UGGT1: variants seen among roughly 807,000 people sequenced by gnomAD.
UGGT1 encodes the protein UDP-glucose glycoprotein glucosyltransferase 1.
UGGT1 carries 107 observed loss-of-function variants against 203.9 expected under a neutral mutation model. The ratio of observed to expected loss-of-function variants is 0.52; its 90% CI spans 0.45 to 0.62. UGGT1 has a LOEUF of 0.62. UGGT1 is among the 20% of genes least tolerant of loss of function. The probability of loss-of-function intolerance (pLI) is 0.00; values close to 1 mark genes in which losing one functional copy is unlikely to be tolerated. For missense variants in UGGT1, 1,673 were observed against 1,867.2 expected, an observed-to-expected ratio of 0.90 and a Z score of 1.92; for synonymous variants, 628 against 653.5, an observed-to-expected ratio of 0.96 and a Z score of 0.59.
At position 128,192,917 on chromosome 2, in the gene UGGT1, A is replaced by C. The variant is rs909245748; in HGVS notation, c.*3175A>C. 1.3e-5 allele frequency: 2 copies of C among 151,884 alleles called. No individual in the cohort carries two copies. Among genetic ancestry groups the C allele is most frequent in the East Asian group, 2.0e-4 (1 of 5,066 alleles). 9.4% of individuals were successfully genotyped at this position (151,884 alleles called of 1,614,324 possible). A position where few individuals can be genotyped will look rare whatever the true frequency, so the allele number is the denominator to read the frequency against. ...TTTCCGGTCAGGCACAGTGGCTTACACCTGTAATCCCAGCACTTTGGGAAG... is the reference window on the plus strand; with the variant it reads ...TTTCCGGTCAGGCACAGTGGCTTACCCCTGTAATCCCAGCACTTTGGGAAG... On this transcript the variant is annotated 3_prime_UTR_variant, in exon 41 of 41. Transcript: ENST00000259253.
At chr2:128,100,580 A>ATTTTTTTT (rs1264351444) in intron 2 of UGGT1, among the ~76,000 whole-genome samples, 2 of 88,338 alleles carry the variant, frequency 2.3e-5, no homozygotes, top group African/African-American at 4.1e-5. Flanking sequence ...CTAATTTTGT[A>ATTTTTTTT]TTTTTTTTTT....
chr2:128,120,534 T>A, intron 9 of UGGT1, 78 bp downstream of exon 9: 1 of 1,096,130 alleles, frequency 9.1e-7, no homozygotes, highest in Non-Finnish European at 1.4e-6. Context: ...AATTTGAATT[T>A]AATTGTATGT....
Position 128,155,485 on chromosome 2 carries a change from C to G in UGGT1, c.2138-4C>G, listed in dbSNP as rs745726088. The G allele has an allele frequency of 1.7e-5, 27 of 1,607,376 alleles. No homozygotes were observed. The highest frequency in any genetic ancestry group is 1.4e-4 in the Admixed American group (8 of 59,224). On this transcript the variant is annotated splice_polypyrimidine_tract_variant and splice_region_variant and intron_variant, in intron 19 of 40. Coordinates refer to ENST00000259253, the MANE Select transcript of UGGT1 (RefSeq NM_020120.4). ...ATATATACGTATTTCATTTTTTCTCCCAGATAACTTCTTTGTGGATGATTA... is the reference window on the plus strand; with the variant it reads ...ATATATACGTATTTCATTTTTTCTCGCAGATAACTTCTTTGTGGATGATTA...
intron 11 of UGGT1, among the ~76,000 whole-genome samples, chr2:128,125,388 T>G (rs1375641718): frequency 6.6e-6 from 1 of 152,186 alleles, no homozygotes; most frequent in African/African-American, 2.4e-5. Context: ...TAATCACCCC[T>G]TGTACATGTC....
chr2:128,142,212 AGGTGT>A (rs1372429958), intron 16 of UGGT1, among the ~76,000 whole-genome samples: 6 of 151,684 alleles, frequency 4.0e-5, no homozygotes, highest in Admixed American at 1.3e-4. Flanking sequence ...CTGGGATTAC[AGGTGT>A]GAGCCACCAT....
rs1316920465 is a variant in UGGT1, at chr2:128,195,367, T to A, written c.*5625T>A. On this transcript the variant is annotated 3_prime_UTR_variant, in exon 41 of 41. Transcript: ENST00000259253. ...TTAACTTAAGGTTGACAACAAAAGA[T>A]TATCAAGTACCATGTTTTCCAACCA... 1 of 152,222 alleles carries A rather than the reference T, an allele frequency of 6.6e-6. No individual in the cohort carries two copies. The highest frequency in any genetic ancestry group is 2.4e-5 in the African/African-American group (1 of 41,456). The allele number at this position is 152,222 out of a possible 1,614,324, so 9.4% of individuals were successfully genotyped here.
At chr2:128,122,464 G>T (rs530369760) in intron 10 of UGGT1, among the ~76,000 whole-genome samples, 1 of 151,958 alleles carries the variant, frequency 6.6e-6, no homozygotes, top group Non-Finnish European at 1.5e-5. Context: ...AACCCGGGAG[G>T]TGAAGGTTAC....
chr2:128,132,795 C>T (rs112528502), intron 13 of UGGT1, among the ~76,000 whole-genome samples: 5,721 of 152,126 alleles, frequency 0.038, 390 homozygotes, highest in African/African-American at 0.13. Flanking sequence ...ATTGCAGCCT[C>T]GAACCCCTTG....
intron 3 of UGGT1, among the ~76,000 whole-genome samples, 158 bp downstream of exon 3, chr2:128,104,172 C>G (rs1424775617): frequency 6.6e-6 from 1 of 152,192 alleles, no homozygotes. Flanking sequence ...CAACACAACA[C>G]AAATTATTAT....
intron 2 of UGGT1, among the ~76,000 whole-genome samples, chr2:128,099,279 G>A (rs974335413): frequency 6.6e-6 from 1 of 152,080 alleles, no homozygotes; most frequent in African/African-American, 2.4e-5. Context: ...TAGTAGCTGG[G>A]ACTACAGGTG....
At chr2:128,138,641 G>T in intron 15 of UGGT1, 76 bp from the exon 16 acceptor site, 3 of 1,513,338 alleles carry the variant, frequency 2.0e-6, no homozygotes, top group South Asian at 1.3e-5. Flanking sequence ...GTATGAGAAG[G>T]GTACAAGGAT....
At chr2:128,160,393 GTGTTTATT>G (rs2104741934) in intron 23 of UGGT1, 59 bp from the exon 24 acceptor site, 3 of 1,474,564 alleles carry the variant, frequency 2.0e-6, no homozygotes, top group Non-Finnish European at 2.7e-6. Flanking sequence ...TTTATTCACT[GTGTTTATT>G]TGTTTATATG....
intron 6 of UGGT1, among the ~76,000 whole-genome samples, chr2:128,114,717 T>A (rs1365212191): frequency 6.6e-6 from 1 of 152,226 alleles, no homozygotes; most frequent in Non-Finnish European, 1.5e-5. Flanking sequence ...CTCCATTTCT[T>A]ATGGTTGGGA....
rs1012954866 is a variant in UGGT1 at position 128,114,290 on chromosome 2, G to C, written c.697-834G>C. 2.0e-5 allele frequency among the ~76,000 whole-genome samples: 3 copies of C among 151,736 alleles called. No individual in the cohort carries two copies. In the East Asian group the frequency reaches 5.8e-4, roughly 29 times the overall value. ...TCACCATCATGCCGGCTAATTTTTT[G>C]TATTTTTAGTAGAGAGGGGGTTTCA... On this transcript the variant is annotated intron_variant, in intron 6 of 40. Coordinates refer to ENST00000259253, the MANE Select transcript of UGGT1 (RefSeq NM_020120.4).
In UGGT1 at chr2:128,155,592, T is replaced by C. The variant is rs1690189701; in HGVS notation, c.2236+5T>C. The C allele has an allele frequency of 6.2e-7, 1 of 1,606,888 alleles. No homozygotes were observed. The highest frequency in any genetic ancestry group is 1.3e-5 in the African/African-American group (1 of 74,722). ...TGAACTATCTGACAAAGAAAGGTAA[T>C]CCATTTGAGGCTTATTATCTTGCAT... On this transcript the variant is annotated splice_donor_5th_base_variant and intron_variant, in intron 20 of 40. Transcript: ENST00000259253.
intron 17 of UGGT1, 86 bp downstream of exon 17, chr2:128,143,311 G>C: frequency 7.1e-7 from 1 of 1,408,600 alleles, no homozygotes; most frequent in Non-Finnish European, 9.5e-7. Context: ...TAATAATGGC[G>C]ATGGTGGTTA....
intron 34 of UGGT1, 149 bp downstream of exon 34, chr2:128,178,718 T>A (rs1691527581): frequency 1.4e-6 from 1 of 710,696 alleles, no homozygotes; most frequent in Non-Finnish European, 2.3e-6. Context: ...CATTTATCAT[T>A]GGATTTGTTT....
intron 11 of UGGT1, among the ~76,000 whole-genome samples, chr2:128,126,221 C>T (rs1688593130): frequency 6.6e-6 from 1 of 151,300 alleles, no homozygotes; most frequent in African/African-American, 2.4e-5. Context: ...GGATTACAGG[C>T]ATGAACCATC....
intron 26 of UGGT1, among the ~76,000 whole-genome samples, chr2:128,165,637 C>T (rs1265065152): frequency 3.3e-5 from 5 of 152,168 alleles, no homozygotes; most frequent in Non-Finnish European, 5.9e-5. Flanking sequence ...GTAGAGGTTG[C>T]AGTGAGCAGA....
Sources: allele counts gnomAD v4.1 joint callset (sites outside exome capture counted in the v4.1 genomes callset), GRCh38; gene constraint gnomAD v4.1.1; transcripts MANE v1.5; gene names NCBI Gene and HGNC (gene_info 2026-07-23, HGNC 2026-07-21).